RFX2: variants seen among roughly 807,000 people sequenced by gnomAD.
RFX2 encodes regulatory factor X2, also known as DNA-binding protein RFX2.
In RFX2, 20 loss-of-function variants were observed where a neutral mutation model predicts 87.8. The ratio of observed to expected loss-of-function variants is 0.23; its 90% CI spans 0.16 to 0.33. RFX2 has a LOEUF of 0.33. Ranked by LOEUF, RFX2 falls within the 10% of genes least tolerant of loss-of-function variation. The pLI is 1.00. For missense variants in RFX2, 767 were observed against 1,012.3 expected, an observed-to-expected ratio of 0.76 and a Z score of 3.29; for synonymous variants, 397 against 431.3, an observed-to-expected ratio of 0.92 and a Z score of 0.98.
At position 6,007,082 on chromosome 19, in the gene RFX2, C is replaced by A. The variant is rs761572393; in HGVS notation, c.1332G>T (p.Arg444Ser). Residue 444 changes from arginine (R) to serine (S), a missense_variant, in exon 12 of 18, where the codon AGG (arginine) becomes AGT (serine). By Grantham distance (110) the Arg-to-Ser change is moderately radical (BLOSUM62 -1). Coordinates refer to ENST00000303657, the MANE Select transcript of RFX2 (RefSeq NM_000635.4). This position sits in a 1 kb window ranked among gnomAD's most constrained non-coding sequence, Gnocchi z 8.2. ...CQCDPILRWMRSCDHILYQAL... is the reference protein window; with the variant it reads ...CQCDPILRWMSSCDHILYQAL... ...CCTGGTAGAGGATGTGGTCGCAGCT[C>A]CTCATCCACCTGAGGATGGGGTCGC... The A allele has an allele frequency of 6.2e-7, 1 of 1,614,142 alleles. No individual in the cohort carries two copies.
intron 1 of RFX2, among the ~76,000 whole-genome samples, chr19:6,099,016 G>T (rs145293325): frequency 0.012 from 1,660 of 137,212 alleles, 14 homozygotes; most frequent in Middle Eastern, 0.033. Context: ...AATACAACTT[G>T]CCCTATAACC....
At chr19:6,018,274 T>A (rs2086758405) in intron 6 of RFX2, among the ~76,000 whole-genome samples, 1 of 152,114 alleles carries the variant, frequency 6.6e-6, no homozygotes, top group African/African-American at 2.4e-5. Context: ...CCGGCCTTCA[T>A]CTCCTTTTTA....
At chr19:6,108,477 T>A (rs61644281) in intron 1 of RFX2, among the ~76,000 whole-genome samples, 5,992 of 152,192 alleles carry the variant, frequency 0.039, 426 homozygotes, top group African/African-American at 0.14. Flanking sequence ...AAAATTTTTT[T>A]AAAAAGTCTT....
chr19:6,078,008 G>A (rs1040958828), intron 1 of RFX2: 5 of 150,842 alleles, frequency 3.3e-5, no homozygotes, highest in Admixed American at 1.3e-4. Flanking sequence ...AAAGGAACGA[G>A]GCACTGGCAC....
Position 6,002,878 on chromosome 19 carries a change from C to T in RFX2, c.1501-8G>A, listed in dbSNP as rs372248749. ...GGCACTGACGACGCCCACCTGTAAG[C>T]CAGGGCTCGTGGTGAGCAGGGGTTC... On this transcript the variant is annotated splice_polypyrimidine_tract_variant and splice_region_variant and intron_variant, in intron 13 of 17. Coordinates refer to ENST00000303657, the MANE Select transcript of RFX2 (RefSeq NM_000635.4). This position sits in a 1 kb window ranked among gnomAD's most constrained non-coding sequence, Gnocchi z 6.7. 3.7e-5 allele frequency: 59 copies of T among 1,601,204 alleles called. No homozygotes were observed. The African/African-American group carries it at 7.1e-4, about 19-fold the overall frequency.
intron 1 of RFX2, chr19:6,078,330 C>T (rs2087725732): frequency 7.3e-6 from 1 of 136,468 alleles, no homozygotes; most frequent in South Asian, 2.2e-4. Flanking sequence ...CAGATCTCAG[C>T]ACAGCTGTAA....
At chr19:5,996,799 G>A (rs891331740) in intron 16 of RFX2, among the ~76,000 whole-genome samples, 5 of 152,268 alleles carry the variant, frequency 3.3e-5, no homozygotes, top group East Asian at 3.8e-4. Flanking sequence ...CCAGCGGTGC[G>A]ATGGGGACTG....
chr19:6,017,923 AC>A lies in RFX2; in HGVS notation c.598-1653del, dbSNP rs1180171383. Among the ~76,000 whole-genome samples the A allele has an allele frequency of 4.5e-5, 2 of 44,750 alleles. No homozygotes were observed. The highest frequency in any genetic ancestry group is 9.0e-5 in the African/African-American group (1 of 11,172). The allele number at this position is 44,750 out of a possible 152,430, so 29.4% of individuals were successfully genotyped here. A position where few individuals can be genotyped will look rare whatever the true frequency, so the allele number is the denominator to read the frequency against. ...TTGCCTGTCTGTTTGCCCCATCCCC[AC>A]CCCCCCAACTCAGCATTAGAAGCTG... On this transcript the variant is annotated intron_variant, in intron 6 of 17. Coordinates refer to ENST00000303657, the MANE Select transcript of RFX2 (RefSeq NM_000635.4). The surrounding 1 kb of genome is among the most constrained non-coding windows in gnomAD (Gnocchi z 4.1).
chr19:6,077,174 C>G (rs1368209643), intron 1 of RFX2: 1 of 152,222 alleles, frequency 6.6e-6, no homozygotes, highest in Non-Finnish European at 1.5e-5. Flanking sequence ...AGGGAGTGAG[C>G]CAGCAAGCTT....
intron 16 of RFX2, 149 bp downstream of exon 16, chr19:5,996,911 G>T: frequency 1.2e-6 from 1 of 809,612 alleles, no homozygotes; most frequent in Non-Finnish European, 1.9e-6. Context: ...GCCCGTTTCT[G>T]TGGCTTGTTC....
chr19:6,059,002 CAG>C (rs991051235), intron 1 of RFX2, among the ~76,000 whole-genome samples: 2 of 151,500 alleles, frequency 1.3e-5, no homozygotes, highest in African/African-American at 2.4e-5. Flanking sequence ...TTTTTTCAGA[CAG>C]AGTCTTGCTC....
intron 7 of RFX2, among the ~76,000 whole-genome samples, chr19:6,014,770 A>T (rs913620611): frequency 6.6e-6 from 1 of 152,148 alleles, no homozygotes. Flanking sequence ...TCCTCTACGC[A>T]TCCACATTCC....
Position 5,994,911 on chromosome 19 carries a change from G to A in RFX2, c.2096C>T (p.Pro699Leu), listed in dbSNP as rs893343323. 3.7e-6 allele frequency: 6 copies of A among 1,609,322 alleles called. No homozygotes were observed. Among genetic ancestry groups the A allele is most frequent in the East Asian group, 2.2e-5 (1 of 44,870 alleles). Residue 699 changes from proline (P) to leucine (L), a missense_variant, in exon 18 of 18, where the codon CCA (proline) becomes CTA (leucine). Pro to Leu is a moderately conservative substitution (Grantham distance 98). Transcript: ENST00000303657. ...GDEQRGSEAG[P>L]DARSLGEPLV... ...GGGCTCACCCAGGCTGCGGGCGTCTGGGCCCGCCTCGCTGCCACGCTGCTC... is the reference window on the plus strand; with the variant it reads ...GGGCTCACCCAGGCTGCGGGCGTCTAGGCCCGCCTCGCTGCCACGCTGCTC...
In RFX2 at chr19:6,011,103, C is replaced by T. The variant is rs917410684; in HGVS notation, c.900-852G>A. Among the ~76,000 whole-genome samples the T allele has an allele frequency of 1.3e-5, 2 of 150,568 alleles. No homozygotes were observed. Among genetic ancestry groups the T allele is most frequent in the African/African-American group, 4.9e-5 (2 of 40,626 alleles). On this transcript the variant is annotated intron_variant, in intron 8 of 17. Coordinates refer to ENST00000303657, the MANE Select transcript of RFX2 (RefSeq NM_000635.4). This position sits in a 1 kb window ranked among gnomAD's most constrained non-coding sequence, Gnocchi z 4.8. ...TGCACTCCAGCCTGGGCGACAAAAG[C>T]GAAACTCGGTCTCAAAAAAAATAAA...
In RFX2 at chr19:6,016,334, G is replaced by T; in HGVS notation, c.598-63C>A. On this transcript the variant is annotated intron_variant, in intron 6 of 17. Transcript: ENST00000303657. This position sits in a 1 kb window ranked among gnomAD's most constrained non-coding sequence, Gnocchi z 5.4. ...CTGAGGAACGCTAACATGCCAACGT[G>T]GACTCATTAAGAGAATTACTTGCGT... The T allele has an allele frequency of 8.2e-7, 1 of 1,224,448 alleles. No homozygotes were observed. The highest frequency in any genetic ancestry group is 1.2e-6 in the Non-Finnish European group (1 of 868,736). 75.8% of individuals were successfully genotyped at this position (1,224,448 alleles called of 1,614,324 possible). A position where few individuals can be genotyped will look rare whatever the true frequency, so the allele number is the denominator to read the frequency against.
At chr19:6,051,662 G>C (rs1281615467) in intron 1 of RFX2, among the ~76,000 whole-genome samples, 1 of 152,064 alleles carries the variant, frequency 6.6e-6, no homozygotes, top group African/African-American at 2.4e-5. Context: ...AAAGCAAATG[G>C]CAGAATTGCT....
chr19:6,066,429 C>T (rs924905549), intron 1 of RFX2, among the ~76,000 whole-genome samples: 5 of 152,140 alleles, frequency 3.3e-5, no homozygotes, highest in Admixed American at 2.6e-4. Context: ...TGCTGAAAAG[C>T]GCTCCAGAAA....
intron 1 of RFX2, among the ~76,000 whole-genome samples, chr19:6,087,348 C>T (rs1393419438): frequency 6.6e-6 from 1 of 152,198 alleles, no homozygotes; most frequent in Non-Finnish European, 1.5e-5. Context: ...TGATAATTGG[C>T]TCTGCTTTCA....
At chr19:6,046,605 CTTTTTTTTTTTTTT>C (rs55854937) in intron 2 of RFX2, among the ~76,000 whole-genome samples, 6 of 90,564 alleles carry the variant, frequency 6.6e-5, no homozygotes, top group Admixed American at 1.2e-4. Flanking sequence ...GCCTTTTTGC[CTTTTTTTTTTTTTT>C]TTTTTTTTTT....
Sources: gnomAD v4.1 joint callset for allele counts (sites outside exome capture counted in the v4.1 genomes callset) on GRCh38, gnomAD v4.1.1 for gene constraint, Gnocchi (gnomAD v3.1) non-coding constraint, MANE v1.5 for transcripts, NCBI Gene and HGNC (gene_info 2026-07-23, HGNC 2026-07-21) for gene names.